PITPNM2: variants seen among roughly 807,000 people sequenced by gnomAD.
PITPNM2 encodes membrane-associated phosphatidylinositol transfer protein 2.
A neutral mutation model predicts 132.2 loss-of-function variants in PITPNM2; 35 were observed. The observed-to-expected ratio is 0.26, with a 90% CI of 0.20 to 0.35. PITPNM2 has a LOEUF of 0.35. PITPNM2 is among the 10% of genes least tolerant of loss of function. PITPNM2 has a pLI of 1.00. For missense variants in PITPNM2, 1,332 were observed against 1,912.0 expected (o/e 0.70, Z 5.66); for synonymous variants, 738 against 799.2 (o/e 0.92, Z 1.29).
At chr12:123,112,357 G>A (rs1049171827) in intron 1 of PITPNM2, among the ~76,000 whole-genome samples, 4 of 152,094 alleles carry the variant, frequency 2.6e-5, no homozygotes, top group African/African-American at 9.7e-5. Context: ...GACATGGAAA[G>A]TCACAATAAA....
chr12:123,135,438 A>T (rs1282684083), intron 1 of PITPNM2, among the ~76,000 whole-genome samples: 2 of 152,264 alleles, frequency 1.3e-5, no homozygotes, highest in Non-Finnish European at 2.9e-5. Flanking sequence ...GACTATAAGT[A>T]CAATGTTGTA....
At chr12:123,040,673 T>C (rs932643549) in intron 2 of PITPNM2, among the ~76,000 whole-genome samples, 1 of 152,088 alleles carries the variant, frequency 6.6e-6, no homozygotes, top group African/African-American at 2.4e-5. Flanking sequence ...TAAAAACTCA[T>C]GTAGAACATG....
In PITPNM2 at chr12:122,993,274, C is replaced by T. The variant is rs1005202207; in HGVS notation, c.2234-605G>A. ...CCAGCTCATCTTGCGGGAGCACCAC[C>T]GAGTGCTGGCTAGGGCAGCCCTGCC... On this transcript the variant is annotated intron_variant, in intron 15 of 25. Coordinates refer to ENST00000320201, the MANE Select transcript of PITPNM2 (RefSeq NM_020845.3). This position sits in a 1 kb window ranked among gnomAD's most constrained non-coding sequence, Gnocchi z 5.2. 2.6e-5 allele frequency among the ~76,000 whole-genome samples: 4 copies of T among 152,198 alleles called. No individual in the cohort carries two copies. Among genetic ancestry groups the T allele is most frequent in the East Asian group, 1.9e-4 (1 of 5,200 alleles).
chr12:123,053,585 G>A (rs1205960178), intron 2 of PITPNM2, among the ~76,000 whole-genome samples: 6 of 30,172 alleles, frequency 2.0e-4, no homozygotes, highest in South Asian at 9.4e-4. Context: ...TTTTTTTTTT[G>A]AGACGGAGTT....
At chr12:123,142,730 G>A (rs937055432) in intron 1 of PITPNM2, among the ~76,000 whole-genome samples, 3 of 152,274 alleles carry the variant, frequency 2.0e-5, no homozygotes, top group East Asian at 1.9e-4. Context: ...GTGCCTCCAC[G>A]TCTGGCCACC....
Position 122,988,309 on chromosome 12 carries a change from G to A in PITPNM2, c.2922C>T (p.Gly974=). 1 of 1,613,448 alleles carries A rather than the reference G, an allele frequency of 6.2e-7. No homozygotes were observed. Among genetic ancestry groups the A allele is most frequent in the Middle Eastern group, 1.6e-4 (1 of 6,062 alleles). The change falls in exon 20 of 26, where the codon GGC becomes GGT. Residue 974 remains glycine (G), a synonymous_variant. Coordinates refer to ENST00000320201, the MANE Select transcript of PITPNM2 (RefSeq NM_020845.3). ...HDNSSILELD[G]KEVSVFTPSK... ...AGGGGGTGAACACCGACACTTCCTT[G>A]CCATCCAGCTCCAAGATGCTGGAGT...
At chr12:123,021,487 C>T (rs1392790524) in intron 3 of PITPNM2, among the ~76,000 whole-genome samples, 2 of 152,194 alleles carry the variant, frequency 1.3e-5, no homozygotes, top group Admixed American at 6.5e-5. Context: ...GTGCACCCCA[C>T]CACACCCAGC....
intron 1 of PITPNM2, among the ~76,000 whole-genome samples, chr12:123,143,504 C>T (rs1217578705): frequency 6.6e-6 from 1 of 152,176 alleles, no homozygotes; most frequent in Non-Finnish European, 1.5e-5. Flanking sequence ...GGGCACACAA[C>T]AGGCAAAAGA....
At chr12:123,037,911 A>G (rs1022131764) in intron 2 of PITPNM2, among the ~76,000 whole-genome samples, 1 of 152,244 alleles carries the variant, frequency 6.6e-6, no homozygotes, top group Non-Finnish European at 1.5e-5. Flanking sequence ...CCCACGGACA[A>G]GCTGTCAGGT....
At chr12:123,113,982 A>T (rs2042889117) in intron 1 of PITPNM2, among the ~76,000 whole-genome samples, 2 of 152,172 alleles carry the variant, frequency 1.3e-5, no homozygotes, top group South Asian at 4.1e-4. Flanking sequence ...CACTTAGCAT[A>T]ATGTTTCTGA....
At chr12:123,121,757 G>T (rs1217892096) in intron 1 of PITPNM2, among the ~76,000 whole-genome samples, 1 of 151,714 alleles carries the variant, frequency 6.6e-6, no homozygotes, top group African/African-American at 2.4e-5. Context: ...GTTGTCCAGG[G>T]TGGTCTCTAA....
At chr12:122,999,900 G>A (rs370607398) in intron 10 of PITPNM2, among the ~76,000 whole-genome samples, 1 of 152,202 alleles carries the variant, frequency 6.6e-6, no homozygotes, top group Non-Finnish European at 1.5e-5. Flanking sequence ...CCTCCCCTGG[G>A]GGGGCGTCAG....
chr12:123,074,378 C>T (rs1025387337), intron 2 of PITPNM2, among the ~76,000 whole-genome samples: 2 of 152,052 alleles, frequency 1.3e-5, no homozygotes, highest in Non-Finnish European at 2.9e-5. Flanking sequence ...AATACAAATG[C>T]CACACTCACA....
intron 3 of PITPNM2, among the ~76,000 whole-genome samples, chr12:123,016,994 C>T (rs1474683835): frequency 5.5e-4 from 82 of 149,194 alleles, no homozygotes; most frequent in African/African-American, 1.9e-3. Flanking sequence ...TGCAATAAGC[C>T]GAGATTGTGC....
chr12:123,005,300 G>A lies in PITPNM2; in HGVS notation c.892C>T (p.Arg298Cys), dbSNP rs146027647. The change falls in exon 7 of 26, where the codon CGC becomes TGC. Residue 298 changes from arginine to cysteine, a missense_variant. This residue lies in a region of PITPNM2 where 710 missense variants were observed against 911.5 expected (regional missense o/e 0.78). Transcript: ENST00000320201. This position sits in a 1 kb window ranked among gnomAD's most constrained non-coding sequence, Gnocchi z 6.2. ...SSSNGEPLVG[R>C]GLKKQWSTSS... ...GTGGACCACTGTTTCTTGAGGCCGC[G>A]CCCCACTAGGGGCTCCCCATTGCTG... 2.7e-4 allele frequency: 443 copies of A among 1,613,992 alleles called. No homozygotes were observed. The highest frequency in any genetic ancestry group is 5.0e-4 in the Admixed American group (30 of 60,016).
intron 2 of PITPNM2, among the ~76,000 whole-genome samples, chr12:123,104,455 G>T (rs1325144293): frequency 6.6e-6 from 1 of 152,194 alleles, no homozygotes; most frequent in Non-Finnish European, 1.5e-5. Flanking sequence ...AGTATAAATG[G>T]CCGGTCCTTG....
chr12:123,078,846 C>A lies in PITPNM2; in HGVS notation c.-96+31539G>T, dbSNP rs548920597. Among the ~76,000 whole-genome samples the A allele has an allele frequency of 6.6e-6, 1 of 152,194 alleles. No individual in the cohort carries two copies. The highest frequency in any genetic ancestry group is 1.5e-5 in the Non-Finnish European group (1 of 68,028). On this transcript the variant is annotated intron_variant, in intron 2 of 25. Coordinates refer to ENST00000320201, the MANE Select transcript of PITPNM2 (RefSeq NM_020845.3). This position sits in a 1 kb window ranked among gnomAD's most constrained non-coding sequence, Gnocchi z 7.3. ...GCTGCAGCTGCCCACGTCCCAGCTTCGATACTGGCTTCAGCCACCTGGCCC... is the reference window on the plus strand; with the variant it reads ...GCTGCAGCTGCCCACGTCCCAGCTTAGATACTGGCTTCAGCCACCTGGCCC...
At chr12:122,997,180 T>C in intron 11 of PITPNM2, 145 bp downstream of exon 11, 1 of 1,269,260 alleles carries the variant, frequency 7.9e-7, no homozygotes, top group Non-Finnish European at 1.1e-6. Context: ...GTGTATACGT[T>C]TGGGCACCTC....
intron 2 of PITPNM2, among the ~76,000 whole-genome samples, chr12:123,066,359 C>G (rs2041413375): frequency 1.3e-5 from 2 of 152,164 alleles, no homozygotes; most frequent in South Asian, 4.1e-4. Context: ...GGGGCCGTCA[C>G]TGTAGATGCC....
Sources: gnomAD v4.1 joint callset for allele counts (sites outside exome capture counted in the v4.1 genomes callset) on GRCh38, gnomAD v4.1.1 for gene constraint, gnomAD v4.1.1 regional missense constraint, Gnocchi (gnomAD v3.1) non-coding constraint, MANE v1.5 for transcripts, NCBI Gene and HGNC (gene_info 2026-07-23, HGNC 2026-07-21) for gene names.